The following AFF1 variants were observed in gnomAD, a reference collection of about 807,000 sequenced individuals.
AFF1 encodes the protein AF4/FMR2 family member 1.
Under a neutral mutation model 121.7 loss-of-function variants are expected in AFF1, and 48 were observed. The observed-to-expected ratio is 0.39, with a 90% CI of 0.31 to 0.50. The LOEUF is 0.50. Ranked by LOEUF, AFF1 falls within the 20% of genes least tolerant of loss-of-function variation. AFF1 has a pLI of 0.76. For synonymous variants in AFF1, 613 were observed against 563.0 expected (o/e 1.09, Z -1.26); for missense variants, 1,523 against 1,511.7 (o/e 1.01, Z -0.12).
chr4:87,075,036 A>G (rs1271320887), intron 4 of AFF1, among the ~76,000 whole-genome samples: 2 of 152,228 alleles, frequency 1.3e-5, no homozygotes, highest in Non-Finnish European at 2.9e-5. Flanking sequence ...AGCCTCTACA[A>G]ATTTTATATG....
chr4:87,055,791 C>T (rs1381658787), intron 4 of AFF1, among the ~76,000 whole-genome samples: 1 of 152,132 alleles, frequency 6.6e-6, no homozygotes, highest in Non-Finnish European at 1.5e-5. Context: ...AACAGTTCCT[C>T]CTAAGAGAGG....
chr4:87,009,949 T>C (rs1726567452), intron 2 of AFF1, among the ~76,000 whole-genome samples: 1 of 152,246 alleles, frequency 6.6e-6, no homozygotes. Flanking sequence ...AGCACACCAG[T>C]TTCTTTGTTC....
In AFF1 at chr4:87,105,630, T is replaced by G; in HGVS notation, c.1286T>G (p.Met429Arg). ...CTCTGTGTCCCTGCCCATTCCAGCA[T>G]GCTCGAAGACGACCTTCAGCTCAGT... ...HSNSQQGTSSMLEDDLQLSDS... is the reference protein window; with the variant it reads ...HSNSQQGTSSRLEDDLQLSDS... Residue 429 changes from methionine to arginine, a missense_variant and splice_region_variant, in exon 9 of 21, where the codon ATG (methionine) becomes AGG (arginine). Around this residue, in one of 5 missense-constraint regions of AFF1, gnomAD observed 905 missense variants for 842.5 expected, o/e 1.07. Coordinates refer to ENST00000395146, the MANE Select transcript of AFF1 (RefSeq NM_001166693.3). 6.2e-7 allele frequency: 1 copy of G among 1,614,224 alleles called. No individual in the cohort carries two copies. Among genetic ancestry groups the G allele is most frequent in the South Asian group, 1.1e-5 (1 of 91,082 alleles).
intron 4 of AFF1, among the ~76,000 whole-genome samples, chr4:87,079,235 A>G (rs1722943011): frequency 1.3e-5 from 2 of 152,196 alleles, no homozygotes; most frequent in African/African-American, 2.4e-5. Flanking sequence ...TTAAAACACA[A>G]TATTGCAAGA....
At chr4:87,028,293 ATT>A (rs543269916) in intron 2 of AFF1, among the ~76,000 whole-genome samples, 1 of 150,360 alleles carries the variant, frequency 6.7e-6, no homozygotes. Flanking sequence ...AAAGTTCAGT[ATT>A]TTTTTTTACG....
chr4:87,048,682 A>G (rs1730966435), intron 4 of AFF1, among the ~76,000 whole-genome samples: 1 of 152,178 alleles, frequency 6.6e-6, no homozygotes, highest in African/African-American at 2.4e-5. Flanking sequence ...GACAACTTGT[A>G]ACTTTCTGGT....
intron 10 of AFF1, among the ~76,000 whole-genome samples, chr4:87,106,545 C>CT (rs1290734229): frequency 1.3e-5 from 2 of 152,116 alleles, no homozygotes; most frequent in Non-Finnish European, 2.9e-5. Flanking sequence ...TCCATTATGC[C>CT]TGTTTTCTTA....
intron 1 of AFF1, among the ~76,000 whole-genome samples, chr4:86,936,830 C>G (rs1720044458): frequency 1.3e-5 from 2 of 152,048 alleles, no homozygotes; most frequent in Admixed American, 1.3e-4. Flanking sequence ...TGGAGAAAAG[C>G]AGTGGTGAGA....
At chr4:87,031,320 C>T (rs143903859) in intron 2 of AFF1, among the ~76,000 whole-genome samples, 2 of 152,328 alleles carry the variant, frequency 1.3e-5, no homozygotes, top group African/African-American at 4.8e-5. Flanking sequence ...CAAGATTCAG[C>T]TCAGATGTCC....
At chr4:87,071,173 C>CT (rs34949744) in intron 4 of AFF1, among the ~76,000 whole-genome samples, 5,176 of 120,700 alleles carry the variant, frequency 0.043, 233 homozygotes, top group African/African-American at 0.12. Flanking sequence ...CCCTACCAGT[C>CT]TTTTTTTTTT....
chr4:87,048,177 C>G (rs1454045114), intron 4 of AFF1: 1 of 154,440 alleles, frequency 6.5e-6, no homozygotes, highest in Non-Finnish European at 1.4e-5. Context: ...AACTAAAGTT[C>G]TGTTCTAATA....
Position 87,046,729 on chromosome 4 carries a change from A to G in AFF1, c.194A>G (p.Gln65Arg). ...AKGDELSSRI[Q>R]NMLGNYEEVK... ...GGTGATGAGCTGTCTAGTCGAATAC[A>G]GAACATGTTGGGAAACTACGAAGAA... The change falls in exon 4 of 21, where the codon CAG becomes CGG. Residue 65 changes from glutamine to arginine, a missense_variant. This residue lies in a region of AFF1 where 369 missense variants were observed against 367.2 expected (regional missense o/e 1.00). Coordinates refer to ENST00000395146, the MANE Select transcript of AFF1 (RefSeq NM_001166693.3). The G allele has an allele frequency of 6.2e-7, 1 of 1,614,082 alleles. No individual in the cohort carries two copies. The highest frequency in any genetic ancestry group is 2.2e-5 in the East Asian group (1 of 44,880).
intron 2 of AFF1, among the ~76,000 whole-genome samples, chr4:86,954,667 T>C (rs1179368363): frequency 1.7e-4 from 26 of 152,200 alleles, no homozygotes; most frequent in African/African-American, 6.0e-4. Flanking sequence ...AGGTCAAGGC[T>C]GTGGTGAGCC....
chr4:86,968,765 GTC>G (rs946840028), intron 2 of AFF1, among the ~76,000 whole-genome samples: 4 of 152,206 alleles, frequency 2.6e-5, no homozygotes, highest in Admixed American at 6.5e-5. Context: ...CCATTGGAGG[GTC>G]TCAGGGGGAC....
At chr4:87,079,416 A>G (rs953440675) in intron 4 of AFF1, among the ~76,000 whole-genome samples, 2 of 152,230 alleles carry the variant, frequency 1.3e-5, no homozygotes, top group Admixed American at 6.5e-5. Flanking sequence ...CACGGCCAGC[A>G]TTGCTGCCTT....
At chr4:86,940,794 T>G (rs116101711) in intron 1 of AFF1, among the ~76,000 whole-genome samples, 3,030 of 152,134 alleles carry the variant, frequency 0.02, 109 homozygotes, top group African/African-American at 0.068. Flanking sequence ...CATTAGAACC[T>G]GTGAAGGGAG....
chr4:86,959,747 T>C (rs1350349315), intron 2 of AFF1, among the ~76,000 whole-genome samples: 2 of 152,078 alleles, frequency 1.3e-5, no homozygotes, highest in Non-Finnish European at 2.9e-5. Flanking sequence ...AAAGCAGAGG[T>C]TGGCTTTCAT....
intron 2 of AFF1, among the ~76,000 whole-genome samples, chr4:86,998,021 C>T (rs942181873): frequency 1.4e-5 from 2 of 144,552 alleles, no homozygotes; most frequent in Non-Finnish European, 3.0e-5. Context: ...TCGCTTGAAC[C>T]CAGCAGGCGG....
chr4:87,041,757 A>G (rs992108935), intron 2 of AFF1, among the ~76,000 whole-genome samples: 1 of 152,092 alleles, frequency 6.6e-6, no homozygotes, highest in East Asian at 1.9e-4. Flanking sequence ...GCTCACGCCT[A>G]TAATCTCAAC....
Sources: allele counts gnomAD v4.1 joint callset (sites outside exome capture counted in the v4.1 genomes callset), GRCh38; gene constraint gnomAD v4.1.1; regional missense constraint gnomAD v4.1.1; transcripts MANE v1.5; gene names NCBI Gene and HGNC (gene_info 2026-07-23, HGNC 2026-07-21).